Variants in RBFOX1 observed in about 807,000 individuals in gnomAD.
RBFOX1 encodes RNA binding fox-1 homolog 1, also known as RNA binding protein fox-1 homolog 1.
A neutral mutation model predicts 57.7 loss-of-function variants in RBFOX1; 8 were observed. The ratio of observed to expected loss-of-function variants is 0.14; its 90% CI spans 0.08 to 0.25. RBFOX1 has a LOEUF of 0.25. RBFOX1 is among the 10% of genes least tolerant of loss of function. RBFOX1 has a pLI of 1.00. For missense variants in RBFOX1, 611 were observed against 548.5 expected, an observed-to-expected ratio of 1.11 and a Z score of -1.14; for synonymous variants, 326 against 222.4, an observed-to-expected ratio of 1.47 and a Z score of -4.15.
intron 14 of RBFOX1, among the ~76,000 whole-genome samples, chr16:7,707,373 G>A (rs1363625244): frequency 1.3e-5 from 2 of 152,076 alleles, no homozygotes; most frequent in Non-Finnish European, 2.9e-5. Flanking sequence ...CCAACCATGA[G>A]AAAGCTTGGA....
intron 3 of RBFOX1, among the ~76,000 whole-genome samples, chr16:6,794,899 C>G (rs778068408): frequency 6.6e-6 from 1 of 152,138 alleles, no homozygotes; most frequent in Non-Finnish European, 1.5e-5. Flanking sequence ...GCCTCTGGAT[C>G]AACCCATTCA....
intron 4 of RBFOX1, among the ~76,000 whole-genome samples, chr16:7,065,022 C>G (rs1034209543): frequency 6.6e-6 from 1 of 152,172 alleles, no homozygotes; most frequent in African/African-American, 2.4e-5. Context: ...CAGCAATCCT[C>G]TATTGTTCGA....
In RBFOX1 at chr16:6,205,862, A is replaced by AGTT. The variant is rs1567675773; in HGVS notation, c.-126-111133_-126-111132insGTT. Among the ~76,000 whole-genome samples the AGTT allele has an allele frequency of 2.1e-3, 54 of 25,582 alleles. 1 individual carries two copies. Among genetic ancestry groups the AGTT allele is most frequent in the African/African-American group, 5.5e-3 (53 of 9,686 alleles). The allele number at this position is 25,582 out of a possible 152,430, so 16.8% of individuals were successfully genotyped here. ...TTTGAACAAGAGCCTACGAGATCAT[A>AGTT]CTTTTTTTTTTTTTTTTTTGGCTAT... On this transcript the variant is annotated intron_variant, in intron 1 of 15. Transcript: ENST00000550418.
chr16:6,039,564 A>G (rs1009838886), intron 1 of RBFOX1, among the ~76,000 whole-genome samples: 11 of 152,054 alleles, frequency 7.2e-5, no homozygotes, highest in African/African-American at 2.7e-4. Context: ...TTGCCACTGA[A>G]TAATTATGCA....
At chr16:6,626,594 T>C (rs532859373) in intron 2 of RBFOX1, among the ~76,000 whole-genome samples, 1 of 152,200 alleles carries the variant, frequency 6.6e-6, no homozygotes, top group South Asian at 2.1e-4. Context: ...ACCCTGTCTC[T>C]ACTAAAAATA....
intron 4 of RBFOX1, among the ~76,000 whole-genome samples, chr16:5,975,527 G>A (rs1003105206): frequency 6.6e-6 from 1 of 152,150 alleles, no homozygotes; most frequent in African/African-American, 2.4e-5. Flanking sequence ...TTAGGGTCCA[G>A]ATTTTTCCCC....
At chr16:6,953,687 T>C (rs2081222943) in intron 3 of RBFOX1, among the ~76,000 whole-genome samples, 1 of 152,146 alleles carries the variant, frequency 6.6e-6, no homozygotes. Flanking sequence ...GTGCCCAGCC[T>C]CACACGCACA....
intron 3 of RBFOX1, among the ~76,000 whole-genome samples, chr16:5,685,972 G>A (rs950648470): frequency 4.0e-4 from 61 of 152,316 alleles, no homozygotes; most frequent in African/African-American, 1.3e-3. Context: ...TGAAGCAAAG[G>A]TGGTGTATTT....
chr16:6,978,192 C>G (rs2087639269), intron 3 of RBFOX1, among the ~76,000 whole-genome samples: 2 of 152,150 alleles, frequency 1.3e-5, no homozygotes, highest in African/African-American at 2.4e-5. Context: ...CCAGCCTTGA[C>G]TGGGCCCTCG....
At chr16:6,872,233 A>T (rs1275033190) in intron 3 of RBFOX1, among the ~76,000 whole-genome samples, 1 of 152,106 alleles carries the variant, frequency 6.6e-6, no homozygotes, top group Non-Finnish European at 1.5e-5. Flanking sequence ...CATAGTAGAG[A>T]TTTAATAATT....
chr16:6,303,348 A>T (rs891348865), intron 1 of RBFOX1, among the ~76,000 whole-genome samples: 13 of 148,896 alleles, frequency 8.7e-5, no homozygotes, highest in African/African-American at 3.3e-4. Flanking sequence ...TTTTTTTTTT[A>T]AAAAATCGAG....
chr16:7,432,908 G>T (rs898205419), intron 4 of RBFOX1, among the ~76,000 whole-genome samples: 1 of 152,196 alleles, frequency 6.6e-6, no homozygotes, highest in Non-Finnish European at 1.5e-5. Flanking sequence ...CAGCCTTATG[G>T]TGTTGCCCCA....
At position 5,240,857 on chromosome 16, in the gene RBFOX1, C is replaced by T. The variant is rs536177047; in HGVS notation, c.219+752C>T. Among the ~76,000 whole-genome samples, 39 of 152,280 alleles carry T rather than the reference C, an allele frequency of 2.6e-4. No homozygotes were observed. In the East Asian group the frequency reaches 4.9e-3, roughly 19 times the overall value. ...CACTTTCTGCTTTCCTACCCCAACT[C>T]TTCCTGTGTGGCTTTGCTGGCCTTC... On this transcript the variant is annotated intron_variant, in intron 1 of 2. Transcript: ENST00000585867.
At chr16:6,846,181 ATATT>A (rs2093745281) in intron 3 of RBFOX1, among the ~76,000 whole-genome samples, 1 of 152,192 alleles carries the variant, frequency 6.6e-6, no homozygotes, top group South Asian at 2.1e-4. Flanking sequence ...CATCCAATAA[ATATT>A]TGTTGAAGAC....
chr16:6,302,247 T>C (rs2078906816), intron 1 of RBFOX1, among the ~76,000 whole-genome samples: 1 of 152,094 alleles, frequency 6.6e-6, no homozygotes, highest in Non-Finnish European at 1.5e-5. Context: ...AAACCTTTCA[T>C]GATCTCACTC....
intron 3 of RBFOX1, among the ~76,000 whole-genome samples, chr16:6,735,686 G>C (rs958393384): frequency 6.6e-6 from 1 of 152,128 alleles, no homozygotes; most frequent in Non-Finnish European, 1.5e-5. Context: ...CAGATCCCTA[G>C]GGTTGCATTT....
chr16:6,979,082 C>T (rs191973400), intron 3 of RBFOX1, among the ~76,000 whole-genome samples: 2 of 152,102 alleles, frequency 1.3e-5, no homozygotes, highest in South Asian at 2.1e-4. Context: ...TAAAATAGCA[C>T]CAATATGTTC....
intron 3 of RBFOX1, among the ~76,000 whole-genome samples, chr16:6,971,178 AG>A (rs1331532150): frequency 6.6e-6 from 1 of 152,206 alleles, no homozygotes; most frequent in Non-Finnish European, 1.5e-5. Flanking sequence ...ATTGGGAAAA[AG>A]TATCCGCTAT....
intron 4 of RBFOX1, among the ~76,000 whole-genome samples, chr16:7,362,220 GTTTGTGTGT>G (rs2097338848): frequency 6.6e-6 from 1 of 150,784 alleles, no homozygotes; most frequent in Non-Finnish European, 1.5e-5. Context: ...TTTTTTATGT[GTTTGTGTGT>G]TTTGTGTGTG....
Sources: gnomAD v4.1 joint callset for allele counts (sites outside exome capture counted in the v4.1 genomes callset) on GRCh38, gnomAD v4.1.1 for gene constraint, MANE v1.5 for transcripts, NCBI Gene and HGNC (gene_info 2026-07-23, HGNC 2026-07-21) for gene names.